Variants in FGF12 observed in about 807,000 individuals in gnomAD.
The protein encoded by FGF12 is fibroblast growth factor 12B.
A neutral mutation model predicts 23.6 loss-of-function variants in FGF12; 14 were observed. That is an observed-to-expected ratio of 0.59 (90% confidence interval 0.39 to 0.93). The LOEUF (loss-of-function observed/expected upper bound fraction) is 0.93. FGF12 is among the 40% of genes least tolerant of loss of function. The pLI is 0.00. For missense variants in FGF12, 175 were observed against 217.8 expected (o/e 0.80, Z 1.24); for synonymous variants, 62 against 77.3 (o/e 0.80, Z 1.04).
intron 3 of FGF12, among the ~76,000 whole-genome samples, chr3:192,347,121 T>G (rs1352815198): frequency 6.6e-6 from 1 of 152,186 alleles, no homozygotes; most frequent in Non-Finnish European, 1.5e-5. Flanking sequence ...TGCCTGGAAT[T>G]GAAGACAAGT....
intron 2 of FGF12, among the ~76,000 whole-genome samples, chr3:192,380,613 TA>T (rs1261513536): frequency 1.3e-5 from 2 of 152,192 alleles, no homozygotes; most frequent in Non-Finnish European, 2.9e-5. Flanking sequence ...ACAGAAATTC[TA>T]ATTTCTGATA....
intron 2 of FGF12, among the ~76,000 whole-genome samples, chr3:192,449,384 G>A (rs887436321): frequency 2.0e-5 from 3 of 152,216 alleles, no homozygotes; most frequent in Non-Finnish European, 2.9e-5. Context: ...GAAGCCCCTT[G>A]GTAAGCTTGC....
chr3:192,536,084 C>T (rs976902865), intron 2 of FGF12, among the ~76,000 whole-genome samples: 11 of 152,274 alleles, frequency 7.2e-5, no homozygotes, highest in South Asian at 2.1e-4. Context: ...TTACTCTACA[C>T]GGCTATTTCA....
intron 2 of FGF12, among the ~76,000 whole-genome samples, chr3:192,690,179 G>T (rs962004013): frequency 2.6e-5 from 4 of 151,846 alleles, no homozygotes; most frequent in Admixed American, 6.6e-5. Context: ...TGAAACAAAA[G>T]GCTTACTAAT....
intron 2 of FGF12, among the ~76,000 whole-genome samples, chr3:192,630,484 G>C (rs1715344105): frequency 6.7e-6 from 1 of 150,126 alleles, no homozygotes; most frequent in Admixed American, 6.6e-5. Flanking sequence ...AACAAAGGCT[G>C]AACTAGAACT....
chr3:192,633,659 T>A (rs965252115), intron 2 of FGF12, among the ~76,000 whole-genome samples: 2 of 152,166 alleles, frequency 1.3e-5, no homozygotes, highest in African/African-American at 2.4e-5. Flanking sequence ...TCATTCCGTA[T>A]CACCCTGCAA....
chr3:192,573,336 T>C (rs1194338332), intron 2 of FGF12, among the ~76,000 whole-genome samples: 2 of 152,200 alleles, frequency 1.3e-5, no homozygotes, highest in African/African-American at 2.4e-5. Flanking sequence ...GTTCAAATAT[T>C]ATTCTAAGTA....
chr3:192,371,316 G>A (rs1029651011), intron 2 of FGF12, among the ~76,000 whole-genome samples: 2 of 152,220 alleles, frequency 1.3e-5, no homozygotes, highest in African/African-American at 4.8e-5. Context: ...TGGAGTCAGA[G>A]CTCTTTAATA....
At chr3:192,443,191 A>C (rs1277608325) in intron 2 of FGF12, among the ~76,000 whole-genome samples, 1 of 152,188 alleles carries the variant, frequency 6.6e-6, no homozygotes, top group Non-Finnish European at 1.5e-5. Flanking sequence ...CAGTTGATAC[A>C]ACACAGAGAA....
At chr3:192,489,532 A>C (rs964900150) in intron 2 of FGF12, among the ~76,000 whole-genome samples, 3 of 152,068 alleles carry the variant, frequency 2.0e-5, no homozygotes, top group Non-Finnish European at 4.4e-5. Flanking sequence ...AAACTTAATA[A>C]TACTATGCCT....
At chr3:192,672,705 G>A (rs1240399929) in intron 2 of FGF12, among the ~76,000 whole-genome samples, 1 of 150,922 alleles carries the variant, frequency 6.6e-6, no homozygotes, top group Non-Finnish European at 1.5e-5. Context: ...TTTCATAAAT[G>A]TTTCAGTTGT....
At chr3:192,578,830 C>T (rs755730065) in intron 2 of FGF12, among the ~76,000 whole-genome samples, 4 of 152,286 alleles carry the variant, frequency 2.6e-5, no homozygotes, top group South Asian at 4.1e-4. Context: ...TATTGCAAAG[C>T]GAGTAGCTCA....
intron 2 of FGF12, among the ~76,000 whole-genome samples, chr3:192,472,118 G>A (rs1324170755): frequency 1.3e-5 from 2 of 152,118 alleles, no homozygotes; most frequent in African/African-American, 4.8e-5. Context: ...TCGGGTTCAA[G>A]CAATTCTCCT....
At chr3:192,223,284 A>G (rs1286003249) in intron 4 of FGF12, among the ~76,000 whole-genome samples, 3 of 152,280 alleles carry the variant, frequency 2.0e-5, no homozygotes, top group Admixed American at 6.5e-5. Context: ...TATTTTGGGA[A>G]TGGCAAAAAG....
intron 4 of FGF12, among the ~76,000 whole-genome samples, chr3:192,231,813 G>GA (rs1402954132): frequency 1.3e-5 from 2 of 151,298 alleles, no homozygotes; most frequent in Non-Finnish European, 2.9e-5. Context: ...CGTTCAATAG[G>GA]AAAAAAAAAC....
In FGF12 at chr3:192,600,926, AC is replaced by A. The variant is rs372758623; in HGVS notation, c.13+126254del. 3.7e-3 allele frequency among the ~76,000 whole-genome samples: 565 copies of A among 152,244 alleles called. 4 individuals carry two copies. The highest frequency in any genetic ancestry group is 0.013 in the African/African-American group (540 of 41,570). On this transcript the variant is annotated intron_variant, in intron 2 of 5. Transcript: ENST00000445105. ...AAACTACAAATAGAACTACTGTACGACCCAGTAATCCTACTACTGAGCATCT... is the reference window on the plus strand; with the variant it reads ...AAACTACAAATAGAACTACTGTACGACCAGTAATCCTACTACTGAGCATCT...
chr3:192,557,575 C>A (rs929961773), intron 2 of FGF12, among the ~76,000 whole-genome samples: 1 of 151,764 alleles, frequency 6.6e-6, no homozygotes, highest in Non-Finnish European at 1.5e-5. Flanking sequence ...ATGAGGACAC[C>A]ATTACCTTGA....
chr3:192,574,631 G>A (rs906329687), intron 2 of FGF12, among the ~76,000 whole-genome samples: 2 of 152,154 alleles, frequency 1.3e-5, no homozygotes, highest in Non-Finnish European at 2.9e-5. Context: ...GCTTAGGGGG[G>A]ATGAGGGCAA....
At chr3:192,572,383 C>G (rs1712682369) in intron 2 of FGF12, among the ~76,000 whole-genome samples, 1 of 152,166 alleles carries the variant, frequency 6.6e-6, no homozygotes, top group African/African-American at 2.4e-5. Flanking sequence ...GCGTCAAGCT[C>G]CATTTACCTT....
Sources: gnomAD v4.1 joint callset for allele counts (sites outside exome capture counted in the v4.1 genomes callset) on GRCh38, gnomAD v4.1.1 for gene constraint, MANE v1.5 for transcripts, NCBI Gene and HGNC (gene_info 2026-07-23, HGNC 2026-07-21) for gene names.